Variants in PPFIA2 observed in about 807,000 individuals in gnomAD.
The protein encoded by PPFIA2 is liprin-alpha-2.
Under a neutral mutation model 175.5 loss-of-function variants are expected in PPFIA2, and 46 were observed. That is an observed-to-expected ratio of 0.26 (90% CI 0.21 to 0.34). The LOEUF (loss-of-function observed/expected upper bound fraction) is 0.34. Among genes scored for constraint, PPFIA2 ranks in the 10% least tolerant of loss-of-function variants. The pLI is 1.00. For synonymous variants in PPFIA2, 568 were observed against 511.4 expected, an observed-to-expected ratio of 1.11 and a Z score of -1.49; for missense variants, 1,179 against 1,506.1, an observed-to-expected ratio of 0.78 and a Z score of 3.60.
intron 4 of PPFIA2, among the ~76,000 whole-genome samples, chr12:81,617,267 C>T (rs1313666068): frequency 6.6e-6 from 1 of 152,146 alleles, no homozygotes; most frequent in East Asian, 1.9e-4. Context: ...TTGTTTTTCT[C>T]TTGTCCAAAA....
At chr12:81,458,199 A>T (rs1030934622) in intron 4 of PPFIA2, among the ~76,000 whole-genome samples, 5 of 152,172 alleles carry the variant, frequency 3.3e-5, no homozygotes, top group African/African-American at 1.2e-4. Context: ...CAGCTCCCAA[A>T]ATCTTACACT....
intron 22 of PPFIA2, among the ~76,000 whole-genome samples, chr12:81,304,832 T>C (rs1328875054): frequency 6.6e-6 from 1 of 151,988 alleles, no homozygotes; most frequent in Non-Finnish European, 1.5e-5. Flanking sequence ...CTAAACATAG[T>C]AAGAAGCCAT....
At chr12:81,581,411 T>C (rs2153428219) in intron 4 of PPFIA2, among the ~76,000 whole-genome samples, 1 of 151,842 alleles carries the variant, frequency 6.6e-6, no homozygotes, top group South Asian at 2.1e-4. Flanking sequence ...CTTCAGTGCA[T>C]TCTAGTACAG....
Position 81,384,014 on chromosome 12 carries a change from A to T in PPFIA2, c.984+9T>A. 6.3e-7 allele frequency: 1 copy of T among 1,594,596 alleles called. No homozygotes were observed. Among genetic ancestry groups the T allele is most frequent in the Non-Finnish European group, 8.6e-7 (1 of 1,163,586 alleles). Reference sequence around the variant, plus strand: ...AAATCAAAGACTGAAAGTGGCATGAATCACTTACCTCCCTAATGTCCCTTT... The same window carrying T: ...AAATCAAAGACTGAAAGTGGCATGATTCACTTACCTCCCTAATGTCCCTTT... On this transcript the variant is annotated intron_variant, in intron 9 of 32. Transcript: ENST00000549396.
At chr12:81,668,478 C>A (rs1271755892) in intron 4 of PPFIA2, among the ~76,000 whole-genome samples, 1 of 152,044 alleles carries the variant, frequency 6.6e-6, no homozygotes, top group Non-Finnish European at 1.5e-5. Context: ...TCTTCTCTTA[C>A]CTTACATCTA....
At chr12:81,382,977 C>T (rs536762558) in intron 9 of PPFIA2, among the ~76,000 whole-genome samples, 2 of 152,032 alleles carry the variant, frequency 1.3e-5, no homozygotes, top group South Asian at 2.1e-4. Flanking sequence ...CAAGTAAATA[C>T]GGATGAAAAC....
At chr12:81,504,833 T>C (rs1174889385) in intron 4 of PPFIA2, among the ~76,000 whole-genome samples, 2 of 152,178 alleles carry the variant, frequency 1.3e-5, no homozygotes, top group Non-Finnish European at 1.5e-5. Context: ...GATGAGTTCA[T>C]ATCCTTTGCA....
At chr12:81,727,429 T>C (rs2080234012) in intron 3 of PPFIA2, among the ~76,000 whole-genome samples, 1 of 151,410 alleles carries the variant, frequency 6.6e-6, no homozygotes, top group South Asian at 2.1e-4. Context: ...GATAGAAAAG[T>C]AATATAATTT....
intron 30 of PPFIA2, 141 bp from the exon 31 acceptor site, chr12:81,263,531 A>G (rs1458719409): frequency 3.1e-6 from 2 of 637,330 alleles, no homozygotes; most frequent in Non-Finnish European, 4.9e-6. Flanking sequence ...CTTTATCAAG[A>G]TAGTTAGTTC....
chr12:81,598,651 A>T (rs1595459975), intron 4 of PPFIA2, among the ~76,000 whole-genome samples: 1 of 149,296 alleles, frequency 6.7e-6, no homozygotes, highest in African/African-American at 2.5e-5. Flanking sequence ...TTTTTTTTTT[A>T]AAGGGAGTTC....
chr12:81,716,782 T>C lies in PPFIA2; in HGVS notation c.249+37191A>G, dbSNP rs977039833. ...AAAATTATTACTTCTGTTAGCAGATTTGTGCTAAAAATGTCTTCCTAGGTA... is the reference window on the plus strand; with the variant it reads ...AAAATTATTACTTCTGTTAGCAGATCTGTGCTAAAAATGTCTTCCTAGGTA... On this transcript the variant is annotated intron_variant, in intron 3 of 32. Coordinates refer to ENST00000549396, the MANE Select transcript of PPFIA2 (RefSeq NM_003625.5). 3.3e-5 allele frequency among the ~76,000 whole-genome samples: 5 copies of C among 151,710 alleles called. No individual in the cohort carries two copies. The East Asian group carries it at 7.8e-4, about 24-fold the overall frequency.
At chr12:81,756,888 T>C (rs763249529) in intron 2 of PPFIA2, among the ~76,000 whole-genome samples, 4 of 152,124 alleles carry the variant, frequency 2.6e-5, no homozygotes, top group Non-Finnish European at 5.9e-5. Context: ...TTTATAAAAA[T>C]CAAATTATGC....
intron 4 of PPFIA2, among the ~76,000 whole-genome samples, chr12:81,668,017 T>A (rs955155594): frequency 6.6e-6 from 1 of 152,062 alleles, no homozygotes; most frequent in South Asian, 2.1e-4. Flanking sequence ...ATACTGGACT[T>A]CTAAATTGGG....
intron 4 of PPFIA2, among the ~76,000 whole-genome samples, chr12:81,586,865 C>A (rs372984424): frequency 1.3e-5 from 2 of 151,800 alleles, no homozygotes; most frequent in East Asian, 3.9e-4. Flanking sequence ...TATTTGTAAT[C>A]TTGAAATAAA....
chr12:81,409,545 C>T (rs191296296), intron 7 of PPFIA2, among the ~76,000 whole-genome samples: 1 of 152,184 alleles, frequency 6.6e-6, no homozygotes, highest in African/African-American at 2.4e-5. Context: ...CCCTTCCATC[C>T]CTCTACTATG....
At chr12:81,584,172 T>C (rs115691278) in intron 4 of PPFIA2, among the ~76,000 whole-genome samples, 1,617 of 151,976 alleles carry the variant, frequency 0.011, 31 homozygotes, top group African/African-American at 0.033. Context: ...AAGAACAGTG[T>C]ATGCAAATAT....
chr12:81,470,613 T>A (rs1358269784), intron 4 of PPFIA2, among the ~76,000 whole-genome samples: 1 of 152,220 alleles, frequency 6.6e-6, no homozygotes, highest in Admixed American at 6.5e-5. Context: ...CAGAATCTTG[T>A]ACATGAATGT....
intron 4 of PPFIA2, among the ~76,000 whole-genome samples, chr12:81,567,810 A>T (rs2071648673): frequency 6.6e-6 from 1 of 152,220 alleles, no homozygotes; most frequent in East Asian, 1.9e-4. Context: ...AATTGAAAAT[A>T]TAGCACTTTC....
intron 22 of PPFIA2, among the ~76,000 whole-genome samples, chr12:81,305,287 A>AT (rs540964618): frequency 2.2e-3 from 332 of 152,130 alleles, no homozygotes; most frequent in Admixed American, 7.9e-3. Context: ...CCGTTCTCCA[A>AT]TTTTTTCTTA....
Sources: allele counts gnomAD v4.1 joint callset (sites outside exome capture counted in the v4.1 genomes callset), GRCh38; gene constraint gnomAD v4.1.1; transcripts MANE v1.5; gene names NCBI Gene and HGNC (gene_info 2026-07-23, HGNC 2026-07-21).